Variants in IGFLR1 observed in about 807,000 individuals in gnomAD.
IGFLR1 encodes IGF-like family receptor 1.
In IGFLR1, 17 loss-of-function variants were observed where a neutral mutation model predicts 23.4. The observed-to-expected ratio is 0.73, with a 90% confidence interval of 0.50 to 1.09. The LOEUF (loss-of-function observed/expected upper bound fraction) is 1.09, where lower values mean the gene tolerates loss of function less well. IGFLR1 is among the 50% of genes least tolerant of loss of function. IGFLR1 has a pLI of 0.00. For synonymous variants in IGFLR1, 265 were observed against 210.7 expected, an observed-to-expected ratio of 1.26 and a Z score of -2.23; for missense variants, 556 against 459.2, an observed-to-expected ratio of 1.21 and a Z score of -1.93.
At chr19:35,740,337 C>T in intron 3 of IGFLR1, 43 bp downstream of exon 3, 1 of 1,510,574 alleles carries the variant, frequency 6.6e-7, no homozygotes, top group Admixed American at 2.3e-5. Context: ...CTAGGCCCCC[C>T]ACCTCCAGCA....
Position 35,739,414 on chromosome 19 carries a change from G to C in IGFLR1, c.934C>G (p.Leu312Val), listed in dbSNP as rs1377937764. Residue 312 changes from leucine to valine, a missense_variant, in exon 5 of 5, where the codon CTG becomes GTG. Physicochemically the swap from Leu to Val is conservative, Grantham distance 32 (BLOSUM62 1). Coordinates refer to ENST00000246532, the MANE Select transcript of IGFLR1 (RefSeq NM_024660.4). The part of the protein sequence containing the change: ...LRPSRSPLRA[L>V]IEMVVAREPS... ...TCCCTTGCCACCACCATCTCAATCA[G>C]AGCCCGCAGCGGCGAGCGACTCGGC... 1.9e-6 allele frequency: 3 copies of C among 1,613,812 alleles called. No homozygotes were observed. In the Admixed American group the frequency reaches 5.0e-5, roughly 27 times the overall value.
intron 4 of IGFLR1, 29 bp from the exon 5 acceptor site, chr19:35,739,655 G>A (rs1599711098): frequency 6.3e-7 from 1 of 1,584,900 alleles, no homozygotes; most frequent in Admixed American, 1.7e-5. Context: ...GTAAAGGTGC[G>A]GAAGAGCGGG....
At position 35,739,605 on chromosome 19, in the gene IGFLR1, T is replaced by G. The variant is rs765280808; in HGVS notation, c.743A>C (p.Gln248Pro). ...LSRELSSLASQPLSRLLDELE... is the reference protein window; with the variant it reads ...LSRELSSLASPPLSRLLDELE... ...CTCATCCAGGAGGCGAGACAGGGGT[T>G]GTGACGCCAGACTGGACAGTTCTGG... The change falls in exon 5 of 5, where the codon CAA becomes CCA. Residue 248 changes from glutamine (Q) to proline (P), a missense_variant. By Grantham distance (76) the Gln-to-Pro change is moderately conservative. Coordinates refer to ENST00000246532, the MANE Select transcript of IGFLR1 (RefSeq NM_024660.4). 1.9e-6 allele frequency: 3 copies of G among 1,613,010 alleles called. No homozygotes were observed. Among genetic ancestry groups the G allele is most frequent in the Admixed American group, 3.3e-5 (2 of 59,988 alleles).
rs140952221 is a variant in IGFLR1 at position 35,740,387 on chromosome 19, C to A, written c.335G>T (p.Cys112Phe). Residue 112 changes from cysteine to phenylalanine, a missense_variant, in exon 3 of 5, where the codon TGC becomes TTC. By Grantham distance (205) the Cys-to-Phe change is radical. Coordinates refer to ENST00000246532, the MANE Select transcript of IGFLR1 (RefSeq NM_024660.4). The part of the protein sequence containing the change: ...AAGGGRTPWR[C>F]RERPVPAKGH... The stretch of plus-strand genomic sequence containing the variant: ...CGGGAGTCCCATCTGCACCTCTCTG[C>A]AGCGCCACGGGGTTCTGCCCCCGCC... The A allele has an allele frequency of 6.3e-7, 1 of 1,594,304 alleles. No individual in the cohort carries two copies. Among genetic ancestry groups the A allele is most frequent in the Admixed American group, 1.8e-5 (1 of 55,846 alleles).
At chr19:35,741,294 T>C (rs566449650) in intron 1 of IGFLR1, 71 bp from the exon 2 acceptor site, 1 of 1,482,526 alleles carries the variant, frequency 6.7e-7, no homozygotes, top group East Asian at 2.4e-5. Flanking sequence ...CTCACGCCTC[T>C]TCGGAAGCCG....
rs1206286964 is a variant in IGFLR1, at chr19:35,740,427, G to A, written c.295C>T (p.Pro99Ser). 3 of 1,610,660 alleles carry A rather than the reference G, an allele frequency of 1.9e-6. No individual in the cohort carries two copies. Among genetic ancestry groups the A allele is most frequent in the Non-Finnish European group, 2.5e-6 (3 of 1,178,748 alleles). ...CSPCGGGAVT[P>S]TPAAGGGRTP... ...CTGCCCCCGCCCGCGGCGGGAGTAG[G>A]GGTCACGGCTCCGCCGCCGCAGGGG... Residue 99 changes from proline to serine, a missense_variant, in exon 3 of 5, where the codon CCT becomes TCT. Coordinates refer to ENST00000246532, the MANE Select transcript of IGFLR1 (RefSeq NM_024660.4).
At chr19:35,741,552 C>T (rs538093669) in intron 1 of IGFLR1, 1 of 232,888 alleles carries the variant, frequency 4.3e-6, no homozygotes, top group Non-Finnish European at 8.4e-6. Context: ...GGTGTGGTGG[C>T]TCATGCCTGT....
At chr19:35,740,259 C>T (rs950458434) in intron 3 of IGFLR1, 121 bp downstream of exon 3, 1 of 1,342,272 alleles carries the variant, frequency 7.5e-7, no homozygotes, top group African/African-American at 1.5e-5. Flanking sequence ...CTCCCGACCC[C>T]TGCAGGCCAG....
rs140797969 is a variant in IGFLR1 at position 35,739,477 on chromosome 19, G to T, written c.871C>A (p.Leu291Met). The part of the protein sequence containing the change: ...TTRHLAARYG[L>M]PAAWSTFAYS... ...GCAAAGGTGGACCAGGCAGCAGGCA[G>T]CCCATATCTTGCGGCCAGGTGTCGA... Residue 291 changes from leucine to methionine, a missense_variant, in exon 5 of 5, where the codon CTG becomes ATG. By Grantham distance (15) the Leu-to-Met change is conservative (BLOSUM62 2). Coordinates refer to ENST00000246532, the MANE Select transcript of IGFLR1 (RefSeq NM_024660.4). 8.7e-6 allele frequency: 14 copies of T among 1,613,888 alleles called. No individual in the cohort carries two copies. The highest frequency in any genetic ancestry group is 1.2e-5 in the Non-Finnish European group (14 of 1,180,008).
chr19:35,740,796 C>T (rs1199923722), intron 2 of IGFLR1: 8 of 604,092 alleles, frequency 1.3e-5, no homozygotes, highest in South Asian at 6.1e-5. Context: ...CCACCCTTTC[C>T]ACGCGGCCCC....
intron 1 of IGFLR1, chr19:35,741,657 C>CAAAAAA (rs35356311): frequency 1.4e-4 from 12 of 86,034 alleles, no homozygotes; most frequent in South Asian, 3.4e-4. Flanking sequence ...CCCATCTTTA[C>CAAAAAA]AAAAAAAAAA....
Position 35,739,627 on chromosome 19 carries a change from C to G in IGFLR1, c.722-1G>C, listed in dbSNP as rs369993907. On this transcript the variant is annotated splice_acceptor_variant, in intron 4 of 4. Transcript: ENST00000246532. LOFTEE classifies it high-confidence loss of function. The stretch of plus-strand genomic sequence containing the variant: ...GGTTGTGACGCCAGACTGGACAGTT[C>G]TGGAAGAAAGGGGAAGGGTAAAGGT... 18 of 1,606,408 alleles carry G rather than the reference C, an allele frequency of 1.1e-5. No homozygotes were observed. In the East Asian group the frequency reaches 1.6e-4, roughly 14 times the overall value.
At chr19:35,740,328 T>C in intron 3 of IGFLR1, 52 bp downstream of exon 3, 1 of 1,492,788 alleles carries the variant, frequency 6.7e-7, no homozygotes, top group Non-Finnish European at 8.9e-7. Context: ...TCCCTACATC[T>C]AGGCCCCCCA....
Position 35,739,846 on chromosome 19 carries a change from G to T in IGFLR1, c.585C>A (p.Asp195Glu), listed in dbSNP as rs150645961. ...AGACCAAGCCAGGATAGGGATAGGG[G>T]TCGGCTTTCTCCTTGGGCCAGCAGA... is the stretch of plus-strand genomic sequence containing the variant. ...WHLCWPKEKA[D>E]PYPYPGLVCG... Residue 195 changes from aspartate to glutamate, a missense_variant, in exon 4 of 5, where the codon GAC becomes GAA. By Grantham distance (45) the Asp-to-Glu change is conservative. Transcript: ENST00000246532. 1 of 1,612,624 alleles carries T rather than the reference G, an allele frequency of 6.2e-7. No homozygotes were observed. Among genetic ancestry groups the T allele is most frequent in the Non-Finnish European group, 8.5e-7 (1 of 1,178,770 alleles).
chr19:35,740,194 C>T (rs1199298224), intron 3 of IGFLR1, 106 bp from the exon 4 acceptor site: 7 of 1,404,984 alleles, frequency 5.0e-6, no homozygotes, highest in South Asian at 1.5e-5. Context: ...CCATCTGATA[C>T]GGTATCTGAT....
intron 1 of IGFLR1, 59 bp from the exon 2 acceptor site, chr19:35,741,282 T>A: frequency 6.6e-7 from 1 of 1,511,302 alleles, no homozygotes. Flanking sequence ...GGGAACAGAA[T>A]TCTCACGCCT....
chr19:35,740,606 C>G (rs761527134), intron 2 of IGFLR1, 42 bp from the exon 3 acceptor site: 1 of 1,549,480 alleles, frequency 6.5e-7, no homozygotes, highest in South Asian at 1.2e-5. Context: ...CCTAGCCCGC[C>G]CCTGCGCGGG....
chr19:35,739,745 C>G lies in IGFLR1; in HGVS notation c.686G>C (p.Trp229Ser). The change falls in exon 4 of 5, where the codon TGG becomes TCG. Residue 229 changes from tryptophan (W) to serine (S), a missense_variant. By Grantham distance (177) the Trp-to-Ser change is radical. Coordinates refer to ENST00000246532, the MANE Select transcript of IGFLR1 (RefSeq NM_024660.4). ...SPGALETGDT[W>S]KEASLLPLLS... ...GAGTGGAAGTAGTGAGGCCTCCTTC[C>G]ATGTGTCCCCTGTCTCCAGGGCGCC... 6.4e-7 allele frequency: 1 copy of G among 1,552,974 alleles called. No individual in the cohort carries two copies. Among genetic ancestry groups the G allele is most frequent in the Non-Finnish European group, 8.7e-7 (1 of 1,146,678 alleles).
In IGFLR1 at chr19:35,740,407, C is replaced by A; in HGVS notation, c.315G>T (p.Gly105=). ...GAVTPTPAAG[G]GRTPWRCRER... ...CTCTGCAGCGCCACGGGGTTCTGCC[C>A]CCGCCCGCGGCGGGAGTAGGGGTCA... The change falls in exon 3 of 5, where the codon GGG becomes GGT. Residue 105 remains glycine, a synonymous_variant. Coordinates refer to ENST00000246532, the MANE Select transcript of IGFLR1 (RefSeq NM_024660.4). 6.2e-7 allele frequency: 1 copy of A among 1,606,114 alleles called. No homozygotes were observed. Among genetic ancestry groups the A allele is most frequent in the Non-Finnish European group, 8.5e-7 (1 of 1,176,846 alleles).
Sources: gnomAD v4.1 joint callset for allele counts on GRCh38, gnomAD v4.1.1 for gene constraint, MANE v1.5 for transcripts, NCBI Gene and HGNC (gene_info 2026-07-23, HGNC 2026-07-21) for gene names.